Variants in BAIAP2 observed in about 807,000 individuals in gnomAD.
The protein encoded by BAIAP2 is BAR/IMD domain containing adaptor protein 2, also known as BAR/IMD domain-containing adapter protein 2.
BAIAP2 carries 18 observed loss-of-function variants against 63.0 expected under a neutral mutation model. The ratio of observed to expected loss-of-function variants is 0.29; its 90% confidence interval spans 0.20 to 0.42. BAIAP2 has a LOEUF of 0.42. Ranked by LOEUF, BAIAP2 falls within the 10% of genes least tolerant of loss-of-function variation. The probability of loss-of-function intolerance (pLI) is 1.00; values close to 1 mark genes in which losing one functional copy is unlikely to be tolerated. For synonymous variants in BAIAP2, 386 were observed against 307.6 expected, an observed-to-expected ratio of 1.25 and a Z score of -2.67; for missense variants, 610 against 734.3, an observed-to-expected ratio of 0.83 and a Z score of 1.96.
intron 7 of BAIAP2, among the ~76,000 whole-genome samples, chr17:81,101,581 A>G (rs1274264406): frequency 6.6e-6 from 1 of 152,136 alleles, no homozygotes; most frequent in Non-Finnish European, 1.5e-5. Context: ...CACGGGCTAT[A>G]CCTTGACACT....
Position 81,063,810 on chromosome 17 carries a change from CCTT to C in BAIAP2, c.217+5846_217+5848del. On this transcript the variant is annotated intron_variant, in intron 3 of 13. Coordinates refer to ENST00000428708, the MANE Select transcript of BAIAP2 (RefSeq NM_001144888.2). The stretch of plus-strand genomic sequence containing the variant: ...CGGGGACGTTGCTCATTTCTGGTCA[CCTT>C]CTCCTCCAGCTGTCCTTGCTGCCCC... 1.3e-5 allele frequency: 2 copies of C among 152,222 alleles called. 1 individual carries two copies. The allele number at this position is 152,222 out of a possible 1,614,324, so 9.4% of individuals were successfully genotyped here. A position where few individuals can be genotyped will look rare whatever the true frequency, so the allele number is the denominator to read the frequency against.
intron 3 of BAIAP2, among the ~76,000 whole-genome samples, chr17:81,068,092 C>T (rs1369285971): frequency 1.3e-5 from 2 of 152,232 alleles, no homozygotes; most frequent in African/African-American, 2.4e-5. Flanking sequence ...GGGTCCCATG[C>T]ACTTTGGGTG....
chr17:81,108,908 G>A lies in BAIAP2; in HGVS notation c.1535+399G>A, dbSNP rs534284967. ...GGCATTGCTCGGTGCTGGCGGACTC[G>A]CCGCCTGTGGCTGGGCAGCGTCGTG... On this transcript the variant is annotated intron_variant, in intron 13 of 13. Coordinates refer to ENST00000428708, the MANE Select transcript of BAIAP2 (RefSeq NM_001144888.2). The A allele has an allele frequency of 3.7e-5, 57 of 1,527,746 alleles. No individual in the cohort carries two copies. In the East Asian group the frequency reaches 1.2e-3, roughly 32 times the overall value. 94.6% of individuals were successfully genotyped at this position (1,527,746 alleles called of 1,614,324 possible). A position where few individuals can be genotyped will look rare whatever the true frequency, so the allele number is the denominator to read the frequency against.
At chr17:81,070,375 G>GTAT (rs1183876198) in intron 3 of BAIAP2, among the ~76,000 whole-genome samples, 1 of 152,250 alleles carries the variant, frequency 6.6e-6, no homozygotes, top group African/African-American at 2.4e-5. Flanking sequence ...TTCGGGCTGG[G>GTAT]TATTGAATGT....
intron 13 of BAIAP2, among the ~76,000 whole-genome samples, chr17:81,114,092 G>C (rs1190064704): frequency 6.6e-6 from 1 of 150,912 alleles, no homozygotes; most frequent in South Asian, 2.1e-4. Flanking sequence ...AGCCCCCCAT[G>C]GAGCTGGGAC....
chr17:81,067,901 A>AG (rs2051803836), intron 3 of BAIAP2, among the ~76,000 whole-genome samples: 3 of 152,170 alleles, frequency 2.0e-5, no homozygotes, highest in Non-Finnish European at 4.4e-5. Flanking sequence ...AGTGCTCCCT[A>AG]GGGAGGGAAA....
intron 6 of BAIAP2, chr17:81,087,550 G>C (rs1426090334): frequency 6.6e-6 from 1 of 152,310 alleles, no homozygotes; most frequent in Non-Finnish European, 1.5e-5. Context: ...ACACCCTGCA[G>C]ACCAAGCCAG....
At chr17:81,096,269 A>G (rs1300487302) in intron 6 of BAIAP2, among the ~76,000 whole-genome samples, 1 of 152,002 alleles carries the variant, frequency 6.6e-6, no homozygotes, top group Non-Finnish European at 1.5e-5. Context: ...TCTGCCCACC[A>G]TGCTTTCCGG....
At chr17:81,094,946 G>A (rs1219155090) in intron 6 of BAIAP2, among the ~76,000 whole-genome samples, 1 of 152,246 alleles carries the variant, frequency 6.6e-6, no homozygotes, top group Non-Finnish European at 1.5e-5. Context: ...GGCGGATGAG[G>A]TAAACCAAAG....
intron 3 of BAIAP2, among the ~76,000 whole-genome samples, chr17:81,081,667 G>T (rs2054630443): frequency 6.6e-6 from 1 of 152,168 alleles, no homozygotes; most frequent in Non-Finnish European, 1.5e-5. Flanking sequence ...GAGTGAGCCT[G>T]GGGTAGGGCC....
chr17:81,055,634 T>C lies in BAIAP2; in HGVS notation c.130+1891T>C, dbSNP rs144787553. On this transcript the variant is annotated intron_variant, in intron 2 of 13. Coordinates refer to ENST00000428708, the MANE Select transcript of BAIAP2 (RefSeq NM_001144888.2). ...AGGCCAGACTGCAGTGGCGCTATCTTGGCTCCCTGCAAACTCTGCCTCCCG... is the reference window on the plus strand; with the variant it reads ...AGGCCAGACTGCAGTGGCGCTATCTCGGCTCCCTGCAAACTCTGCCTCCCG... 8.8e-4 allele frequency among the ~76,000 whole-genome samples: 127 copies of C among 144,270 alleles called. No individual in the cohort carries two copies. In the East Asian group the frequency reaches 0.019, roughly 21 times the overall value. The allele number at this position is 144,270 out of a possible 152,430, so 94.6% of individuals were successfully genotyped here. A position where few individuals can be genotyped will look rare whatever the true frequency, so the allele number is the denominator to read the frequency against.
chr17:81,077,888 C>G (rs973939100), intron 3 of BAIAP2, among the ~76,000 whole-genome samples: 1 of 144,862 alleles, frequency 6.9e-6, no homozygotes, highest in African/African-American at 2.6e-5. Context: ...CCAGTGCCAT[C>G]TTAGATCTGG....
intron 6 of BAIAP2, among the ~76,000 whole-genome samples, chr17:81,090,399 T>C (rs2056513106): frequency 6.6e-6 from 1 of 151,652 alleles, no homozygotes; most frequent in Admixed American, 6.5e-5. Context: ...CCTCTGTCAA[T>C]GGGAGACGGG....
rs1050024005 is a variant in BAIAP2 at position 81,075,598 on chromosome 17, G to A, written c.218-9234G>A. ...CCTTGTGGCCCTAACCTTGTGGGGT[G>A]CTCCTTTGAGAGCGTCCTGAGTGAC... On this transcript the variant is annotated intron_variant, in intron 3 of 13. Coordinates refer to ENST00000428708, the MANE Select transcript of BAIAP2 (RefSeq NM_001144888.2). 1.5e-4 allele frequency among the ~76,000 whole-genome samples: 23 copies of A among 152,308 alleles called. 1 individual carries two copies. The highest frequency in any genetic ancestry group is 8.5e-4 in the Admixed American group (13 of 15,304).
In BAIAP2 at chr17:81,078,768, C is replaced by T. The variant is rs1442150368; in HGVS notation, c.218-6064C>T. Among the ~76,000 whole-genome samples, 4 of 152,118 alleles carry T rather than the reference C, an allele frequency of 2.6e-5. No individual in the cohort carries two copies. The East Asian group carries it at 5.8e-4, about 22-fold the overall frequency. On this transcript the variant is annotated intron_variant, in intron 3 of 13. Coordinates refer to ENST00000428708, the MANE Select transcript of BAIAP2 (RefSeq NM_001144888.2). ...CCTGTACTGCAGCCTCCGCTCCTCTCTGGCTGTGCTCTCTGCTGCTCCAGG... is the reference window on the plus strand; with the variant it reads ...CCTGTACTGCAGCCTCCGCTCCTCTTTGGCTGTGCTCTCTGCTGCTCCAGG...
chr17:81,061,012 T>C (rs1169841081), intron 3 of BAIAP2, among the ~76,000 whole-genome samples: 2 of 152,128 alleles, frequency 1.3e-5, no homozygotes, highest in Admixed American at 1.3e-4. Flanking sequence ...TAATCCCAGC[T>C]ACTAGGGAGG....
rs1037889105 is a variant in BAIAP2, at chr17:81,048,668, G to A, written c.55-5000G>A. Among the ~76,000 whole-genome samples the A allele has an allele frequency of 3.9e-5, 6 of 152,286 alleles. No homozygotes were observed. In the East Asian group the frequency reaches 9.7e-4, roughly 25 times the overall value. On this transcript the variant is annotated intron_variant, in intron 1 of 13. Coordinates refer to ENST00000428708, the MANE Select transcript of BAIAP2 (RefSeq NM_001144888.2). ...CCTGGGCTCATCAATGTTCTCTGAC[G>A]GCCACCTCTGCAACTGATGGACACG...
chr17:81,103,807 A>G, intron 8 of BAIAP2, 84 bp downstream of exon 8: 1 of 1,579,430 alleles, frequency 6.3e-7, no homozygotes, highest in Non-Finnish European at 8.6e-7. Flanking sequence ...CAGGGTGCAG[A>G]GTCCAGGGGC....
rs979972522 is a variant in BAIAP2 at position 81,104,864 on chromosome 17, A to C, written c.1268+149A>C. The C allele has an allele frequency of 3.5e-6, 3 of 860,884 alleles. No homozygotes were observed. The African/African-American group carries it at 5.1e-5, about 15-fold the overall frequency. The allele number at this position is 860,884 out of a possible 1,614,324, so 53.3% of individuals were successfully genotyped here. ...GTAGAAGACCTGGGCAGTGAGAGCA[A>C]GCGTGACCTGGGGTCTTCGCCACCA... On this transcript the variant is annotated intron_variant, in intron 10 of 13. Transcript: ENST00000428708.
Sources: gnomAD v4.1 joint callset for allele counts (sites outside exome capture counted in the v4.1 genomes callset) on GRCh38, gnomAD v4.1.1 for gene constraint, MANE v1.5 for transcripts, NCBI Gene and HGNC (gene_info 2026-07-23, HGNC 2026-07-21) for gene names.